The following KCND2 variants were observed in gnomAD, a reference collection of about 807,000 sequenced individuals.
The protein encoded by KCND2 is A-type voltage-gated potassium channel KCND2.
Under a neutral mutation model 54.4 loss-of-function variants are expected in KCND2, and 16 were observed. The ratio of observed to expected loss-of-function variants is 0.29; its 90% confidence interval spans 0.20 to 0.45. The LOEUF (loss-of-function observed/expected upper bound fraction) is 0.45, where lower values mean the gene tolerates loss of function less well. Among genes scored for constraint, KCND2 ranks in the 20% least tolerant of loss-of-function variants. The pLI is 1.00. For synonymous variants in KCND2, 317 were observed against 310.7 expected, an observed-to-expected ratio of 1.02 and a Z score of -0.21; for missense variants, 486 against 824.2, an observed-to-expected ratio of 0.59 and a Z score of 5.02.
chr7:120,326,127 A>G (rs1799970471), intron 1 of KCND2, among the ~76,000 whole-genome samples: 1 of 152,118 alleles, frequency 6.6e-6, no homozygotes, highest in South Asian at 2.1e-4. Flanking sequence ...AAATGTAAAT[A>G]CTTATATTGA....
At chr7:120,373,876 G>A (rs1363915045) in intron 1 of KCND2, among the ~76,000 whole-genome samples, 1 of 151,662 alleles carries the variant, frequency 6.6e-6, no homozygotes, top group South Asian at 2.1e-4. Flanking sequence ...AAGTTTATCT[G>A]TTTCCATTAT....
intron 1 of KCND2, among the ~76,000 whole-genome samples, chr7:120,671,835 C>T (rs986802173): frequency 6.6e-6 from 1 of 152,124 alleles, no homozygotes; most frequent in African/African-American, 2.4e-5. Flanking sequence ...ATTCCTTCTT[C>T]ACTCAATTCC....
chr7:120,401,789 C>T (rs10488288), intron 1 of KCND2, among the ~76,000 whole-genome samples: 1,833 of 152,224 alleles, frequency 0.012, 17 homozygotes, highest in Admixed American at 0.02. Context: ...GTAGCACTTT[C>T]CTGTATTCAG....
chr7:120,287,609 A>G (rs576757897), intron 1 of KCND2, among the ~76,000 whole-genome samples: 1 of 152,246 alleles, frequency 6.6e-6, no homozygotes, highest in East Asian at 1.9e-4. Flanking sequence ...CTAAAATCCC[A>G]GCAATTTAAG....
In KCND2 at chr7:120,275,232, C is replaced by T; in HGVS notation, c.600C>T (p.Ile200=). 1 of 1,613,854 alleles carries T rather than the reference C, an allele frequency of 6.2e-7. No individual in the cohort carries two copies. The highest frequency in any genetic ancestry group is 8.5e-7 in the Non-Finnish European group (1 of 1,179,986). ...VTGFFIAVSV[I]ANVVETVPCG... ...GGTTTTTCATTGCCGTCTCTGTCAT[C>T]GCGAATGTGGTGGAAACAGTGCCGT... Residue 200 remains isoleucine (I), a synonymous_variant, in exon 1 of 6, where the codon ATC becomes ATT. Transcript: ENST00000331113.
chr7:120,680,619 C>G (rs1036700978), intron 1 of KCND2, among the ~76,000 whole-genome samples: 3 of 152,110 alleles, frequency 2.0e-5, no homozygotes, highest in African/African-American at 7.2e-5. Flanking sequence ...GGCCTACCAT[C>G]TCTTTAACCA....
intron 1 of KCND2, among the ~76,000 whole-genome samples, chr7:120,572,094 T>G (rs1258177939): frequency 6.6e-6 from 1 of 152,192 alleles, no homozygotes; most frequent in Non-Finnish European, 1.5e-5. Flanking sequence ...AAAAGAACGA[T>G]TGCCTTGATC....
chr7:120,507,081 C>A (rs1374530189), intron 1 of KCND2, among the ~76,000 whole-genome samples: 1 of 151,750 alleles, frequency 6.6e-6, no homozygotes, highest in Non-Finnish European at 1.5e-5. Flanking sequence ...AACATTTATT[C>A]AAAATGGTTA....
At chr7:120,664,570 A>T (rs1349038374) in intron 1 of KCND2, among the ~76,000 whole-genome samples, 4 of 152,104 alleles carry the variant, frequency 2.6e-5, no homozygotes, top group African/African-American at 9.7e-5. Flanking sequence ...TTAAAAGATA[A>T]TGATTATCTA....
intron 1 of KCND2, among the ~76,000 whole-genome samples, chr7:120,502,734 A>G (rs913413226): frequency 6.6e-6 from 1 of 151,974 alleles, no homozygotes; most frequent in African/African-American, 2.4e-5. Context: ...TTGCTACTAG[A>G]TTTCCTGAGT....
At chr7:120,637,680 G>T (rs902644462) in intron 1 of KCND2, among the ~76,000 whole-genome samples, 7 of 152,062 alleles carry the variant, frequency 4.6e-5, no homozygotes, top group Admixed American at 3.9e-4. Flanking sequence ...TCACTGTTTA[G>T]GTGAAAAAGA....
At chr7:120,351,408 A>ACTCTCTCT (rs1205455713) in intron 1 of KCND2, among the ~76,000 whole-genome samples, 82 of 90,282 alleles carry the variant, frequency 9.1e-4, no homozygotes, top group African/African-American at 3.0e-3. Flanking sequence ...ACACACACAC[A>ACTCTCTCT]CACACTCTCT....
intron 1 of KCND2, among the ~76,000 whole-genome samples, chr7:120,575,179 C>G (rs1792415026): frequency 6.6e-6 from 1 of 152,006 alleles, no homozygotes; most frequent in Admixed American, 6.6e-5. Flanking sequence ...AAGTGAGGTT[C>G]CACAATAGGC....
chr7:120,371,932 T>C (rs957735900), intron 1 of KCND2, among the ~76,000 whole-genome samples: 2 of 151,908 alleles, frequency 1.3e-5, no homozygotes, highest in Admixed American at 6.6e-5. Flanking sequence ...GTATCCCTGG[T>C]GTTAAGCAAC....
chr7:120,353,700 G>A (rs933829595), intron 1 of KCND2, among the ~76,000 whole-genome samples: 6 of 152,220 alleles, frequency 3.9e-5, no homozygotes, highest in African/African-American at 1.4e-4. Context: ...CAAACTGTGG[G>A]CCATAGACCT....
intron 1 of KCND2, among the ~76,000 whole-genome samples, chr7:120,583,785 G>T (rs761753422): frequency 2.4e-3 from 22 of 9,344 alleles, no homozygotes; most frequent in African/African-American, 5.4e-3. Context: ...TAGGAATTGT[G>T]GGGGGGGGGA....
At chr7:120,521,064 T>A (rs761963837) in intron 1 of KCND2, among the ~76,000 whole-genome samples, 5 of 152,180 alleles carry the variant, frequency 3.3e-5, no homozygotes, top group Non-Finnish European at 7.4e-5. Flanking sequence ...GTCTGTAAAG[T>A]ACACTTTAGA....
intron 1 of KCND2, among the ~76,000 whole-genome samples, chr7:120,552,850 T>C (rs943096219): frequency 4.6e-5 from 7 of 152,252 alleles, no homozygotes; most frequent in African/African-American, 7.2e-5. Flanking sequence ...CTCCTTTGAA[T>C]GTTTCACTCT....
Position 120,716,932 on chromosome 7 carries a change from C to CTA in KCND2, c.1116-15968_1116-15967dup, listed in dbSNP as rs557060216. On this transcript the variant is annotated intron_variant, in intron 1 of 5. Coordinates refer to ENST00000331113, the MANE Select transcript of KCND2 (RefSeq NM_012281.3). ...TGGTACTGAACTCAATATTTTTTTT[C>CTA]TATACATATATATCTATGATAAAGT... Among the ~76,000 whole-genome samples, 305 of 152,046 alleles carry CTA rather than the reference C, an allele frequency of 2.0e-3. 2 individuals carry two copies. Among genetic ancestry groups the CTA allele is most frequent in the African/African-American group, 6.6e-3 (275 of 41,506 alleles).
Sources: gnomAD v4.1 joint callset for allele counts (sites outside exome capture counted in the v4.1 genomes callset) on GRCh38, gnomAD v4.1.1 for gene constraint, MANE v1.5 for transcripts, NCBI Gene and HGNC (gene_info 2026-07-23, HGNC 2026-07-21) for gene names.